BRINP3: variants seen among roughly 807,000 people sequenced by gnomAD.
BRINP3 encodes the protein BMP/retinoic acid inducible neural specific 3, also known as BMP/retinoic acid-inducible neural-specific protein 3.
A neutral mutation model predicts 71.0 loss-of-function variants in BRINP3; 19 were observed. That is an observed-to-expected ratio of 0.27 (90% CI 0.19 to 0.39). BRINP3 has a LOEUF of 0.39. BRINP3 is among the 10% of genes least tolerant of loss of function. BRINP3 has a pLI of 1.00. For synonymous variants in BRINP3, 380 were observed against 337.7 expected (o/e 1.13, Z -1.37); for missense variants, 959 against 940.8 (o/e 1.02, Z -0.25).
chr1:190,460,766 C>T (rs923263875), intron 1 of BRINP3, among the ~76,000 whole-genome samples: 1 of 152,150 alleles, frequency 6.6e-6, no homozygotes, highest in Non-Finnish European at 1.5e-5. Context: ...GTTTTCTTAT[C>T]TCACTAAATG....
At chr1:190,457,607 AT>A (rs1676087928) in intron 1 of BRINP3, among the ~76,000 whole-genome samples, 1 of 152,210 alleles carries the variant, frequency 6.6e-6, no homozygotes, top group African/African-American at 2.4e-5. Flanking sequence ...GTGAGTTAAT[AT>A]TTGTAAAATC....
At chr1:190,117,676 A>G (rs1653265090) in intron 7 of BRINP3, among the ~76,000 whole-genome samples, 1 of 152,054 alleles carries the variant, frequency 6.6e-6, no homozygotes, top group African/African-American at 2.4e-5. Context: ...TAACTTACAG[A>G]ATCACAAATG....
chr1:190,213,918 A>C (rs2102659349), intron 6 of BRINP3, among the ~76,000 whole-genome samples: 1 of 152,166 alleles, frequency 6.6e-6, no homozygotes, highest in Non-Finnish European at 1.5e-5. Context: ...TGAAGTTTAA[A>C]ATTTAAAATG....
chr1:190,267,590 G>A (rs1401146267), intron 3 of BRINP3, among the ~76,000 whole-genome samples: 7 of 151,884 alleles, frequency 4.6e-5, no homozygotes, highest in African/African-American at 7.2e-5. Flanking sequence ...GCAGGTGTTC[G>A]TTGTTTTTTA....
At chr1:190,203,852 G>C (rs918305193) in intron 6 of BRINP3, among the ~76,000 whole-genome samples, 15 of 125,550 alleles carry the variant, frequency 1.2e-4, no homozygotes, top group Non-Finnish European at 2.0e-4. Flanking sequence ...TTTATCTATT[G>C]TGTTATTATT....
chr1:190,174,697 T>C (rs1244802027), intron 6 of BRINP3, among the ~76,000 whole-genome samples: 1 of 152,136 alleles, frequency 6.6e-6, no homozygotes, highest in African/African-American at 2.4e-5. Flanking sequence ...AAGGAATTTG[T>C]GATATTCCTA....
chr1:190,122,448 C>G (rs540874238), intron 7 of BRINP3, among the ~76,000 whole-genome samples: 3 of 151,748 alleles, frequency 2.0e-5, no homozygotes, highest in Non-Finnish European at 4.4e-5. Flanking sequence ...TAGGAGATTA[C>G]AGAAACATAG....
chr1:190,439,692 A>G (rs190107454), intron 2 of BRINP3, among the ~76,000 whole-genome samples: 22 of 152,084 alleles, frequency 1.4e-4, no homozygotes, highest in African/African-American at 5.3e-4. Flanking sequence ...GTGCCAAGGA[A>G]GAGAATGCAA....
intron 7 of BRINP3, among the ~76,000 whole-genome samples, chr1:190,158,178 G>C (rs910658610): frequency 2.6e-5 from 4 of 152,030 alleles, no homozygotes; most frequent in Admixed American, 6.6e-5. Flanking sequence ...TTGTGATAGT[G>C]AATAAGTCTC....
chr1:190,369,457 A>C lies in BRINP3; in HGVS notation c.236+85198T>G, dbSNP rs553460532. 1.4e-3 allele frequency among the ~76,000 whole-genome samples: 215 copies of C among 152,262 alleles called. 3 individuals carry two copies. In the South Asian group the frequency reaches 0.025, roughly 18 times the overall value. On this transcript the variant is annotated intron_variant, in intron 2 of 7. Transcript: ENST00000367462. ...TTGTACAATTCAAATAATTATTTGA[A>C]TTAAAAAAGGTAGTCTTCAAAATTT...
chr1:190,141,663 C>G (rs1162952448), intron 7 of BRINP3, among the ~76,000 whole-genome samples: 2 of 143,914 alleles, frequency 1.4e-5, no homozygotes, highest in Non-Finnish European at 3.0e-5. Flanking sequence ...CTGGTTCAAG[C>G]AATTCTCCTG....
At chr1:190,183,682 T>A (rs1558043091) in intron 6 of BRINP3, among the ~76,000 whole-genome samples, 1 of 151,628 alleles carries the variant, frequency 6.6e-6, no homozygotes, top group Non-Finnish European at 1.5e-5. Context: ...AGAAAAGTCC[T>A]GACTTTCTGA....
chr1:190,287,150 T>C (rs1294108812), intron 2 of BRINP3, among the ~76,000 whole-genome samples: 1 of 151,910 alleles, frequency 6.6e-6, no homozygotes, highest in Non-Finnish European at 1.5e-5. Context: ...TCACTTGACC[T>C]GGGAGGCAGA....
At chr1:190,147,962 G>A (rs1656037636) in intron 7 of BRINP3, among the ~76,000 whole-genome samples, 2 of 152,082 alleles carry the variant, frequency 1.3e-5, no homozygotes, top group Non-Finnish European at 2.9e-5. Flanking sequence ...CATGTAAGAT[G>A]AGCACGCTAT....
At chr1:190,352,014 CG>C (rs1312033395) in intron 2 of BRINP3, among the ~76,000 whole-genome samples, 1 of 151,636 alleles carries the variant, frequency 6.6e-6, no homozygotes, top group African/African-American at 2.4e-5. Context: ...AAATGCCAGA[CG>C]TAAATCTTTA....
chr1:190,290,385 G>T (rs1321770335), intron 2 of BRINP3, among the ~76,000 whole-genome samples: 2 of 152,078 alleles, frequency 1.3e-5, no homozygotes, highest in African/African-American at 4.8e-5. Flanking sequence ...GCTATAAAAA[G>T]ATTTTTAATT....
At chr1:190,159,034 A>G (rs185607560) in intron 7 of BRINP3, among the ~76,000 whole-genome samples, 167 of 152,212 alleles carry the variant, frequency 1.1e-3, no homozygotes, top group Non-Finnish European at 1.5e-3. Context: ...TCAAAAAAAT[A>G]TTGAAATCTG....
rs143466907 is a variant in BRINP3 at position 190,248,932 on chromosome 1, C to T, written c.619-14455G>A. 5.4e-3 allele frequency among the ~76,000 whole-genome samples: 827 copies of T among 151,932 alleles called. 6 individuals carry two copies. The highest frequency in any genetic ancestry group is 0.018 in the African/African-American group (757 of 41,510). ...ATTCTCAAAAGCAAATTATTTGAGA[C>T]TATAGTTCTCAAATTTTCAAGAATT... On this transcript the variant is annotated intron_variant, in intron 4 of 7. Transcript: ENST00000367462.
chr1:190,294,245 G>T (rs1245144448), intron 2 of BRINP3, among the ~76,000 whole-genome samples: 12 of 141,298 alleles, frequency 8.5e-5, no homozygotes, highest in Non-Finnish European at 3.0e-5. Context: ...ATAGCTATCA[G>T]AAGTACCTCA....
Sources: gnomAD v4.1 joint callset for allele counts (sites outside exome capture counted in the v4.1 genomes callset) on GRCh38, gnomAD v4.1.1 for gene constraint, MANE v1.5 for transcripts, NCBI Gene and HGNC (gene_info 2026-07-23, HGNC 2026-07-21) for gene names.